EHD4: variants seen among roughly 807,000 people sequenced by gnomAD.
EHD4 encodes EH domain-containing protein 4.
In EHD4, 37 loss-of-function variants were observed where a neutral mutation model predicts 51.0. The ratio of observed to expected loss-of-function variants is 0.73; its 90% CI spans 0.56 to 0.95. EHD4 has a LOEUF of 0.95. Ranked by LOEUF, EHD4 falls within the 40% of genes least tolerant of loss-of-function variation. The probability of loss-of-function intolerance (pLI) is 0.00; values close to 1 mark genes in which losing one functional copy is unlikely to be tolerated. For missense variants in EHD4, 632 were observed against 733.1 expected (o/e 0.86, Z 1.59); for synonymous variants, 297 against 317.3 (o/e 0.94, Z 0.68).
intron 4 of EHD4, among the ~76,000 whole-genome samples, chr15:41,915,970 C>A (rs529515540): frequency 1.4e-4 from 21 of 152,254 alleles, no homozygotes; most frequent in Admixed American, 1.2e-3. Context: ...ATCTACTTTT[C>A]ATATTATTAA....
chr15:41,917,096 CTTATTTAT>C lies in EHD4; in HGVS notation c.924+2106_924+2113del, dbSNP rs56087855. 7.5e-3 allele frequency among the ~76,000 whole-genome samples: 1,064 copies of C among 141,856 alleles called. 12 individuals are homozygous for C. The highest frequency in any genetic ancestry group is 0.044 in the South Asian group (189 of 4,264). 93.1% of individuals were successfully genotyped at this position (141,856 alleles called of 152,430 possible). ...GGCATTTCCAGCGAGCTTTCTGCTC[CTTATTTAT>C]TTATTTATTTATTTATTTATTTATT... On this transcript the variant is annotated intron_variant, in intron 4 of 5. Transcript: ENST00000220325.
intron 2 of EHD4, among the ~76,000 whole-genome samples, chr15:41,949,355 G>A (rs892768654): frequency 1.3e-5 from 2 of 151,848 alleles, no homozygotes; most frequent in Non-Finnish European, 2.9e-5. Flanking sequence ...GGGTGACAGA[G>A]CAAGACTCCA....
intron 2 of EHD4, among the ~76,000 whole-genome samples, chr15:41,949,029 T>TATATATATATATATATATATATAC (rs2067834615): frequency 4.0e-5 from 5 of 125,432 alleles, no homozygotes; most frequent in Admixed American, 1.6e-4. Context: ...TATATATATA[T>TATATATATATATATATATATATAC]ATATATATAT....
In EHD4 at chr15:41,953,924, CCTGCT is replaced by C. The variant is rs1232862537; in HGVS notation, c.248_252del (p.Glu83GlyfsTer25). The C allele has an allele frequency of 1.2e-6, 2 of 1,612,444 alleles. No homozygotes were observed. The highest frequency in any genetic ancestry group is 1.7e-6 in the Non-Finnish European group (2 of 1,179,580). On this transcript the variant is annotated frameshift_variant, in exon 2 of 6. Transcript: ENST00000220325. LOFTEE classifies it high-confidence loss of function. ...GGACCAATCCTCATGCCTGGGAAAT[CCTGCT>C]CCAGTAGGTATCTGGGAGAGGGAAG... is the stretch of plus-strand genomic sequence containing the variant.
chr15:41,918,432 T>C (rs2067600385), intron 4 of EHD4, among the ~76,000 whole-genome samples: 1 of 152,222 alleles, frequency 6.6e-6, no homozygotes, highest in African/African-American at 2.4e-5. Flanking sequence ...TTATGAAACA[T>C]GCACATATTT....
At chr15:41,903,944 G>A (rs1482744794) in intron 5 of EHD4, among the ~76,000 whole-genome samples, 3 of 152,152 alleles carry the variant, frequency 2.0e-5, no homozygotes, top group East Asian at 1.9e-4. Flanking sequence ...CCTGACATCA[G>A]CACCAAACAA....
intron 3 of EHD4, among the ~76,000 whole-genome samples, chr15:41,932,041 C>T (rs967491833): frequency 3.9e-5 from 6 of 151,962 alleles, no homozygotes; most frequent in South Asian, 2.1e-4. Flanking sequence ...TGCACGTTAT[C>T]GTGCCAACTG....
At chr15:41,911,798 G>A (rs879337056) in intron 4 of EHD4, among the ~76,000 whole-genome samples, 2 of 152,090 alleles carry the variant, frequency 1.3e-5, no homozygotes, top group Non-Finnish European at 1.5e-5. Context: ...GCCTAGCCCT[G>A]GAGCAGCTGC....
chr15:41,937,416 C>T (rs1398081308), intron 3 of EHD4, among the ~76,000 whole-genome samples: 3 of 152,164 alleles, frequency 2.0e-5, no homozygotes, highest in East Asian at 1.9e-4. Context: ...GTCATGTCTT[C>T]GTCTCAGTTT....
chr15:41,957,198 C>T (rs150354122), intron 1 of EHD4, among the ~76,000 whole-genome samples: 216 of 152,168 alleles, frequency 1.4e-3, no homozygotes, highest in African/African-American at 4.5e-3. Context: ...GGTGTGGTGG[C>T]GTGCATCTGT....
chr15:41,919,279 G>T lies in EHD4; in HGVS notation c.855C>A (p.Ile285=). 1 of 1,614,166 alleles carries T rather than the reference G, an allele frequency of 6.2e-7. No homozygotes were observed. The highest frequency in any genetic ancestry group is 8.5e-7 in the Non-Finnish European group (1 of 1,180,036). Residue 285 remains isoleucine, a synonymous_variant, in exon 4 of 6, where the codon ATC becomes ATA. Transcript: ENST00000220325. Reference sequence around the variant, plus strand: ...CCGCTGCCTTCTGGGGGAGGCTCTGGATGTCTCTAAAGAGGTCCTGGGCCT... The same window carrying T: ...CCGCTGCCTTCTGGGGGAGGCTCTGTATGTCTCTAAAGAGGTCCTGGGCCT... ...EAEAQDLFRD[I]QSLPQKAAVR... is the part of the protein sequence containing the mutation.
intron 1 of EHD4, among the ~76,000 whole-genome samples, chr15:41,958,644 A>G (rs1002498999): frequency 1.3e-5 from 2 of 152,178 alleles, no homozygotes; most frequent in African/African-American, 4.8e-5. Context: ...CTTCTCAACG[A>G]TGAGCTTAAG....
intron 2 of EHD4, among the ~76,000 whole-genome samples, chr15:41,945,110 C>T (rs974736790): frequency 2.0e-5 from 3 of 152,176 alleles, no homozygotes; most frequent in African/African-American, 4.8e-5. Context: ...CTCTCAGTGC[C>T]GTCCCATTCT....
chr15:41,939,589 T>C (rs2067753772), intron 3 of EHD4, among the ~76,000 whole-genome samples: 1 of 151,780 alleles, frequency 6.6e-6, no homozygotes, highest in South Asian at 2.1e-4. Context: ...GTTAAGGAAA[T>C]GTTAAGGAAA....
chr15:41,912,421 A>T (rs2067556670), intron 4 of EHD4, among the ~76,000 whole-genome samples: 1 of 152,178 alleles, frequency 6.6e-6, no homozygotes, highest in Non-Finnish European at 1.5e-5. Flanking sequence ...TTGGCCAGGC[A>T]CGATGGCTCA....
intron 2 of EHD4, among the ~76,000 whole-genome samples, chr15:41,952,658 A>AGAACCTCAGT (rs1423017700): frequency 6.6e-6 from 1 of 152,170 alleles, no homozygotes; most frequent in African/African-American, 2.4e-5. Flanking sequence ...CAAGTGAGGC[A>AGAACCTCAGT]GAACCTCAGT....
chr15:41,930,455 C>T (rs2067691014), intron 3 of EHD4, among the ~76,000 whole-genome samples: 1 of 152,224 alleles, frequency 6.6e-6, no homozygotes, highest in Non-Finnish European at 1.5e-5. Context: ...TTGACCGTGA[C>T]AATGCATCTT....
At chr15:41,956,420 T>C (rs935365421) in intron 1 of EHD4, among the ~76,000 whole-genome samples, 2 of 152,236 alleles carry the variant, frequency 1.3e-5, no homozygotes, top group African/African-American at 4.8e-5. Flanking sequence ...AGCACAGGTG[T>C]TGAAGTCAGA....
chr15:41,907,327 G>GT (rs2067519330), intron 5 of EHD4, among the ~76,000 whole-genome samples: 2 of 152,184 alleles, frequency 1.3e-5, no homozygotes, highest in Non-Finnish European at 2.9e-5. Flanking sequence ...GGAAACAGCT[G>GT]TCTTACTCCT....
Sources: allele counts gnomAD v4.1 joint callset (sites outside exome capture counted in the v4.1 genomes callset), GRCh38; gene constraint gnomAD v4.1.1; transcripts MANE v1.5; gene names NCBI Gene and HGNC (gene_info 2026-07-23, HGNC 2026-07-21).